The following NOL4 variants were observed in gnomAD, a reference collection of about 807,000 sequenced individuals.
NOL4 encodes cancer/testis antigen 125.
Under a neutral mutation model 75.9 loss-of-function variants are expected in NOL4, and 17 were observed. The observed-to-expected ratio is 0.22, with a 90% CI of 0.15 to 0.34. The LOEUF is 0.34. Among genes scored for constraint, NOL4 ranks in the 10% least tolerant of loss-of-function variants. The probability of loss-of-function intolerance (pLI) is 1.00; values close to 1 mark genes in which losing one functional copy is unlikely to be tolerated. For synonymous variants in NOL4, 292 were observed against 289.9 expected, an observed-to-expected ratio of 1.01 and a Z score of -0.07; for missense variants, 614 against 793.5, an observed-to-expected ratio of 0.77 and a Z score of 2.72.
chr18:34,140,504 C>T, intron 1 of NOL4, among the ~76,000 whole-genome samples: 2 of 152,072 alleles, frequency 1.3e-5, no homozygotes, highest in Non-Finnish European at 2.9e-5. Context: ...ATTGCAACCC[C>T]TGCCTTTTTT....
intron 5 of NOL4, among the ~76,000 whole-genome samples, chr18:34,038,699 A>G (rs1174082546): frequency 6.6e-6 from 1 of 152,074 alleles, no homozygotes; most frequent in Non-Finnish European, 1.5e-5. Context: ...TATCATGGTG[A>G]CAGAGAACAG....
chr18:33,987,361 G>A lies in NOL4; in HGVS notation c.1057-28943C>T, dbSNP rs556506531. Among the ~76,000 whole-genome samples, 19 of 152,126 alleles carry A rather than the reference G, an allele frequency of 1.2e-4. No homozygotes were observed. The South Asian group carries it at 2.3e-3, about 18-fold the overall frequency. On this transcript the variant is annotated intron_variant, in intron 6 of 10. Coordinates refer to ENST00000261592, the MANE Select transcript of NOL4 (RefSeq NM_003787.5). ...CCATAGATGAATGACACTTGATCAC[G>A]AGAATGACTGGAAAGCATTCACTAA...
rs139907751 is a variant in NOL4, at chr18:33,997,621, C to T, written c.1056+21697G>A. Among the ~76,000 whole-genome samples, 362 of 149,498 alleles carry T rather than the reference C, an allele frequency of 2.4e-3. 2 individuals carry two copies. The highest frequency in any genetic ancestry group is 6.6e-3 in the African/African-American group (269 of 41,036). On this transcript the variant is annotated intron_variant, in intron 6 of 10. Transcript: ENST00000261592. Reference sequence around the variant, plus strand: ...AAACTATACTTCAAAGTATACACTTCGCATATATACTTTATATATAAATAA... The same window carrying T: ...AAACTATACTTCAAAGTATACACTTTGCATATATACTTTATATATAAATAA...
intron 6 of NOL4, among the ~76,000 whole-genome samples, chr18:33,978,581 T>C (rs182023186): frequency 6.6e-6 from 1 of 151,540 alleles, no homozygotes; most frequent in Admixed American, 6.6e-5. Context: ...TATTCTGGGT[T>C]TGTTTATTAA....
At chr18:34,131,690 T>C (rs1282924450) in intron 1 of NOL4, among the ~76,000 whole-genome samples, 1 of 152,158 alleles carries the variant, frequency 6.6e-6, no homozygotes, top group Admixed American at 6.6e-5. Flanking sequence ...TTTAATTCAT[T>C]CACATGTTCA....
intron 7 of NOL4, 135 bp downstream of exon 7, chr18:33,958,104 G>T: frequency 1.2e-6 from 1 of 825,752 alleles, no homozygotes; most frequent in Non-Finnish European, 1.9e-6. Context: ...TTGGCAAAGA[G>T]TGTTTCATGT....
At chr18:33,868,173 G>A (rs2063521823) in intron 10 of NOL4, among the ~76,000 whole-genome samples, 1 of 151,566 alleles carries the variant, frequency 6.6e-6, no homozygotes, top group African/African-American at 2.4e-5. Context: ...GAGTATCTGG[G>A]GCTACAGGCC....
chr18:34,213,692 A>AT (rs2146581635), intron 1 of NOL4, among the ~76,000 whole-genome samples: 1 of 152,214 alleles, frequency 6.6e-6, no homozygotes, highest in African/African-American at 2.4e-5. Flanking sequence ...GCTCCCTTCT[A>AT]TTTTCTGACA....
intron 5 of NOL4, among the ~76,000 whole-genome samples, chr18:34,070,261 C>A (rs1475049034): frequency 1.3e-5 from 2 of 152,168 alleles, no homozygotes; most frequent in African/African-American, 4.8e-5. Context: ...CCTCGTGATC[C>A]GCCCGCCTCG....
intron 6 of NOL4, among the ~76,000 whole-genome samples, chr18:33,981,096 A>T (rs988082224): frequency 6.6e-6 from 1 of 152,062 alleles, no homozygotes; most frequent in South Asian, 2.1e-4. Flanking sequence ...AGTAGACTGG[A>T]CATGGCTGTG....
chr18:34,175,438 C>T (rs972245033), intron 1 of NOL4, among the ~76,000 whole-genome samples: 4 of 152,152 alleles, frequency 2.6e-5, no homozygotes, highest in African/African-American at 7.2e-5. Context: ...GAAAAACTAG[C>T]GAATGAAAAA....
intron 10 of NOL4, among the ~76,000 whole-genome samples, chr18:33,861,827 GA>G (rs1249080981): frequency 6.6e-6 from 1 of 152,058 alleles, no homozygotes; most frequent in Admixed American, 6.5e-5. Context: ...TCAATATCAT[GA>G]AAATGGCCAT....
intron 9 of NOL4, among the ~76,000 whole-genome samples, chr18:33,940,126 T>C (rs1362056742): frequency 4.6e-5 from 7 of 151,988 alleles, no homozygotes; most frequent in African/African-American, 1.7e-4. Context: ...AGTTCAACCA[T>C]TGTGGAAGAC....
At chr18:34,113,839 A>G (rs930771507) in intron 2 of NOL4, among the ~76,000 whole-genome samples, 1 of 152,072 alleles carries the variant, frequency 6.6e-6, no homozygotes, top group African/African-American at 2.4e-5. Context: ...TATGTTAAGT[A>G]CCTCTATGAC....
At chr18:34,089,643 T>G (rs1027573715) in intron 5 of NOL4, among the ~76,000 whole-genome samples, 2 of 152,352 alleles carry the variant, frequency 1.3e-5, no homozygotes, top group Non-Finnish European at 2.9e-5. Flanking sequence ...GAAAGACAAC[T>G]GGGCACTGAT....
At chr18:34,068,649 G>T (rs1448740120) in intron 5 of NOL4, among the ~76,000 whole-genome samples, 1 of 151,960 alleles carries the variant, frequency 6.6e-6, no homozygotes, top group Non-Finnish European at 1.5e-5. Flanking sequence ...CACCCACCTC[G>T]GCCTCCCAAA....
chr18:33,916,158 A>G (rs566510852), intron 9 of NOL4, among the ~76,000 whole-genome samples: 3 of 152,156 alleles, frequency 2.0e-5, no homozygotes, highest in East Asian at 3.9e-4. Flanking sequence ...AATTTTTTGG[A>G]GTGCTATGCT....
chr18:34,032,134 A>G (rs1014734658), intron 5 of NOL4, among the ~76,000 whole-genome samples: 3 of 152,238 alleles, frequency 2.0e-5, no homozygotes, highest in East Asian at 1.9e-4. Flanking sequence ...AGAAAGTGCA[A>G]GCAAGAAGCC....
intron 9 of NOL4, among the ~76,000 whole-genome samples, chr18:33,890,362 A>G (rs2065021940): frequency 6.6e-6 from 1 of 152,146 alleles, no homozygotes; most frequent in Non-Finnish European, 1.5e-5. Context: ...CCACTACTCA[A>G]CGAAATAAAA....
Sources: gnomAD v4.1 joint callset for allele counts (sites outside exome capture counted in the v4.1 genomes callset) on GRCh38, gnomAD v4.1.1 for gene constraint, MANE v1.5 for transcripts, NCBI Gene and HGNC (gene_info 2026-07-23, HGNC 2026-07-21) for gene names.